Variants in PLEK2 observed in about 807,000 individuals in gnomAD.
The protein encoded by PLEK2 is pleckstrin-2.
PLEK2 carries 29 observed loss-of-function variants against 43.8 expected under a neutral mutation model. The observed-to-expected ratio is 0.66, with a 90% CI of 0.49 to 0.90. PLEK2 has a LOEUF of 0.90. Among genes scored for constraint, PLEK2 ranks in the 40% least tolerant of loss-of-function variants. The pLI is 0.00. For synonymous variants in PLEK2, 162 were observed against 173.2 expected, an observed-to-expected ratio of 0.94 and a Z score of 0.51; for missense variants, 398 against 448.1, an observed-to-expected ratio of 0.89 and a Z score of 1.01.
intron 1 of PLEK2, among the ~76,000 whole-genome samples, chr14:67,400,641 G>T (rs1312684046): frequency 2.0e-5 from 3 of 151,972 alleles, no homozygotes; most frequent in Non-Finnish European, 4.4e-5. Context: ...AGTGGAGAAG[G>T]CAATTAAGTT....
intron 6 of PLEK2, 135 bp downstream of exon 6, chr14:67,392,191 G>C: frequency 1.5e-6 from 1 of 669,114 alleles, no homozygotes; most frequent in Admixed American, 2.2e-5. Context: ...GCTGGTGCTG[G>C]GCTCTTGCTT....
rs1000834419 is a variant in PLEK2 at position 67,392,848 on chromosome 14, G to C, written c.483C>G (p.Gly161=). Residue 161 remains glycine (G), a splice_region_variant and synonymous_variant, in exon 5 of 9, where the codon GGC becomes GGG. Transcript: ENST00000216446. ...AGATGAGCCAGTCCACCAGGGAGGA[G>C]CCTGGCCAAGGGCAGCACCAGTCAG... ...QGSTYKKTFL[G]SSLVDWLISN... The C allele has an allele frequency of 2.5e-6, 4 of 1,608,256 alleles. No homozygotes were observed. In the African/African-American group the frequency reaches 5.3e-5, roughly 21 times the overall value.
At chr14:67,403,864 C>T (rs923866315) in intron 1 of PLEK2, among the ~76,000 whole-genome samples, 5 of 152,044 alleles carry the variant, frequency 3.3e-5, no homozygotes, top group African/African-American at 9.7e-5. Flanking sequence ...CCAGTCTGGG[C>T]GCTATAGTGA....
At chr14:67,407,921 T>C (rs1214458728) in intron 1 of PLEK2, among the ~76,000 whole-genome samples, 1 of 152,112 alleles carries the variant, frequency 6.6e-6, no homozygotes, top group African/African-American at 2.4e-5. Context: ...TGCAATGCAC[T>C]ATGATCACAC....
At chr14:67,388,430 C>T in intron 7 of PLEK2, 128 bp from the exon 8 acceptor site, 1 of 684,642 alleles carries the variant, frequency 1.5e-6, no homozygotes. Context: ...TGAAGCTGAA[C>T]TTGGACATCA....
intron 8 of PLEK2, among the ~76,000 whole-genome samples, 188 bp from the exon 9 acceptor site, chr14:67,387,644 CA>C (rs1428964315): frequency 2.0e-5 from 3 of 152,200 alleles, no homozygotes; most frequent in Non-Finnish European, 4.4e-5. Flanking sequence ...TGTCCCTCAC[CA>C]GTGCCCTAAG....
intron 1 of PLEK2, among the ~76,000 whole-genome samples, chr14:67,410,182 C>T (rs547453515): frequency 4.3e-4 from 66 of 152,236 alleles, no homozygotes; most frequent in African/African-American, 1.4e-3. Flanking sequence ...CTCTGTGGCT[C>T]TGCCCTTAGC....
At chr14:67,387,600 C>T (rs2085936189) in intron 8 of PLEK2, 144 bp from the exon 9 acceptor site, 1 of 849,232 alleles carries the variant, frequency 1.2e-6, no homozygotes, top group African/African-American at 1.8e-5. Flanking sequence ...TTAGAGAATC[C>T]TATCAGATGA....
Position 67,395,585 on chromosome 14 carries a change from T to A in PLEK2, c.208-2A>T, listed in dbSNP as rs780899091. ...TTGAGTCTTCAGCTTAATGAGGAGC[T>A]GTGGGAAGAGAGAGCCAGTCAGGCC... On this transcript the variant is annotated splice_acceptor_variant, in intron 2 of 8. Transcript: ENST00000216446. LOFTEE classifies it high-confidence loss of function. The A allele has an allele frequency of 6.2e-7, 1 of 1,613,862 alleles. No individual in the cohort carries two copies. The highest frequency in any genetic ancestry group is 1.7e-5 in the Admixed American group (1 of 60,006).
Position 67,412,028 on chromosome 14 carries a change from A to G in PLEK2, c.32T>C (p.Leu11Pro). 1 of 1,558,498 alleles carries G rather than the reference A, an allele frequency of 6.4e-7. No homozygotes were observed. Among genetic ancestry groups the G allele is most frequent in the Non-Finnish European group, 8.7e-7 (1 of 1,154,876 alleles). MEDGVLKEGF[L>P]VKRGHIVHNW... ...TCGACGCGCACTCACCCTCTTGACCAGGAAGCCCTCCTTGAGCACGCCGTC... is the reference window on the plus strand; with the variant it reads ...TCGACGCGCACTCACCCTCTTGACCGGGAAGCCCTCCTTGAGCACGCCGTC... The change falls in exon 1 of 9, where the codon CTG (leucine) becomes CCG (proline). Residue 11 changes from leucine (L) to proline (P), a missense_variant. Coordinates refer to ENST00000216446, the MANE Select transcript of PLEK2 (RefSeq NM_016445.3).
Position 67,393,217 on chromosome 14 carries a change from A to C in PLEK2, c.414T>G (p.Asp138Glu). The change falls in exon 4 of 9, where the codon GAT (aspartate) becomes GAG (glutamate). Residue 138 changes from aspartate (D) to glutamate (E), a missense_variant. Physicochemically the swap from Asp to Glu is conservative, Grantham distance 45. Coordinates refer to ENST00000216446, the MANE Select transcript of PLEK2 (RefSeq NM_016445.3). ...SLHRIVDKMHDSNTGIRSSPN... is the reference protein window; with the variant it reads ...SLHRIVDKMHESNTGIRSSPN... Reference sequence around the variant, plus strand: ...GGCTTGAACGGATTCCGGTGTTGCTATCGTGCATCTTGTCCACAATGCGAC... The same window carrying C: ...GGCTTGAACGGATTCCGGTGTTGCTCTCGTGCATCTTGTCCACAATGCGAC... 6.2e-7 allele frequency: 1 copy of C among 1,613,898 alleles called. No individual in the cohort carries two copies.
rs141391542 is a variant in PLEK2 at position 67,388,191 on chromosome 14, G to T, written c.934+33C>A. ...TGAGGTGCAGGAGGGAGGCCCCTGA[G>T]ATCTTCAGGCCAGGGCTGAAGTTGT... On this transcript the variant is annotated intron_variant, in intron 8 of 8. Transcript: ENST00000216446. 1,198 of 1,439,668 alleles carry T rather than the reference G, an allele frequency of 8.3e-4. 13 individuals are homozygous for T. The African/African-American group carries it at 0.015, about 18-fold the overall frequency. 89.2% of individuals were successfully genotyped at this position (1,439,668 alleles called of 1,614,324 possible).
At chr14:67,405,336 G>A (rs750003642) in intron 1 of PLEK2, among the ~76,000 whole-genome samples, 6 of 150,142 alleles carry the variant, frequency 4.0e-5, no homozygotes, top group African/African-American at 1.5e-4. Context: ...ATGAAAAAAT[G>A]AATTTAAATT....
intron 1 of PLEK2, among the ~76,000 whole-genome samples, chr14:67,402,258 G>A (rs1471551875): frequency 6.6e-6 from 1 of 152,162 alleles, no homozygotes; most frequent in African/African-American, 2.4e-5. Context: ...GGGCATTGAT[G>A]TAATTTTTAC....
chr14:67,402,460 A>C (rs957814742), intron 1 of PLEK2, among the ~76,000 whole-genome samples: 6 of 152,158 alleles, frequency 3.9e-5, no homozygotes, highest in Non-Finnish European at 5.9e-5. Flanking sequence ...TTTTAAACGT[A>C]CAATTAAGTT....
At chr14:67,411,841 G>A (rs2086117220) in intron 1 of PLEK2, among the ~76,000 whole-genome samples, 177 bp downstream of exon 1, 1 of 152,304 alleles carries the variant, frequency 6.6e-6, no homozygotes, top group South Asian at 2.1e-4. Flanking sequence ...CTTACCCCGC[G>A]TCCCCTCGGA....
At chr14:67,409,287 T>C (rs1487373895) in intron 1 of PLEK2, among the ~76,000 whole-genome samples, 1 of 150,288 alleles carries the variant, frequency 6.7e-6, no homozygotes, top group Non-Finnish European at 1.5e-5. Flanking sequence ...CTCACACCTC[T>C]AATCTCAGCA....
intron 7 of PLEK2, 43 bp from the exon 8 acceptor site, chr14:67,388,345 A>T (rs779031198): frequency 8.0e-7 from 1 of 1,245,378 alleles, no homozygotes; most frequent in Non-Finnish European, 1.2e-6. Context: ...GTGAATGAAC[A>T]AAAGGGAAGA....
Position 67,411,998 on chromosome 14 carries a change from G to A in PLEK2, c.42+20C>T, listed in dbSNP as rs1286452200. On this transcript the variant is annotated intron_variant, in intron 1 of 8. Coordinates refer to ENST00000216446, the MANE Select transcript of PLEK2 (RefSeq NM_016445.3). ...CGGGGCCCCACCCGGGCAATGTCCC[G>A]AAGCTCGACGCGCACTCACCCTCTT... 1 of 1,540,144 alleles carries A rather than the reference G, an allele frequency of 6.5e-7. No homozygotes were observed. The highest frequency in any genetic ancestry group is 8.7e-7 in the Non-Finnish European group (1 of 1,144,304).
Sources: gnomAD v4.1 joint callset for allele counts (sites outside exome capture counted in the v4.1 genomes callset) on GRCh38, gnomAD v4.1.1 for gene constraint, MANE v1.5 for transcripts, NCBI Gene and HGNC (gene_info 2026-07-23, HGNC 2026-07-21) for gene names.